ABR: variants seen among roughly 807,000 people sequenced by gnomAD.
ABR encodes active breakpoint cluster region-related protein.
A neutral mutation model predicts 107.2 loss-of-function variants in ABR; 35 were observed. That is an observed-to-expected ratio of 0.33 (90% CI 0.25 to 0.43). The LOEUF (loss-of-function observed/expected upper bound fraction) is 0.43. Among genes scored for constraint, ABR ranks in the 20% least tolerant of loss-of-function variants. The probability of loss-of-function intolerance (pLI) is 1.00; values close to 1 mark genes in which losing one functional copy is unlikely to be tolerated. For missense variants in ABR, 815 were observed against 1,115.2 expected (o/e 0.73, Z 3.83); for synonymous variants, 498 against 462.0 (o/e 1.08, Z -1.00).
At chr17:1,031,527 CCCCGCAG>C (rs1458839849) in intron 16 of ABR, 3,822 of 309,152 alleles carry the variant, frequency 0.012, 174 homozygotes, top group African/African-American at 0.081. Flanking sequence ...CCCCCGCAGC[CCCCGCAG>C]CCCCCCGAGC....
At chr17:1,161,770 G>A (rs1395863741) in intron 1 of ABR, among the ~76,000 whole-genome samples, 1 of 151,950 alleles carries the variant, frequency 6.6e-6, no homozygotes, top group Non-Finnish European at 1.5e-5. Context: ...GGCCAGGCTG[G>A]TCTCAAACTC....
At chr17:1,135,749 G>C (rs1458957581) in intron 1 of ABR, among the ~76,000 whole-genome samples, 1 of 152,160 alleles carries the variant, frequency 6.6e-6, no homozygotes, top group African/African-American at 2.4e-5. Context: ...GGTGGCAGGT[G>C]CCTGTAATCC....
rs568897874 is a variant in ABR, at chr17:1,211,258, GAC to G, written c.838+17533_838+17534del. Among the ~76,000 whole-genome samples, 274 of 152,046 alleles carry G rather than the reference GAC, an allele frequency of 1.8e-3. 1 individual carries two copies. Among genetic ancestry groups the G allele is most frequent in the Middle Eastern group, 3.4e-3 (1 of 294 alleles). On this transcript the variant is annotated intron_variant, in intron 1 of 22. Transcript: ENST00000574139. The stretch of plus-strand genomic sequence containing the variant: ...CTCTCCACTTCTTTCCAGCCTGGGC[GAC>G]AGAGTGAGGCTCCGTCTCAAAAAAA...
rs1324942266 is a variant in ABR at position 1,016,768 on chromosome 17, C to A, written c.1792-3604G>T. Reference sequence around the variant, plus strand: ...CAGGCAGATGGCTTTCTGGCAATAGCACCTATGGCAGCTGAGAATCTGCAA... The same window carrying A: ...CAGGCAGATGGCTTTCTGGCAATAGAACCTATGGCAGCTGAGAATCTGCAA... On this transcript the variant is annotated intron_variant, in intron 16 of 22. Coordinates refer to ENST00000302538, the MANE Select transcript of ABR (RefSeq NM_021962.5). Among the ~76,000 whole-genome samples the A allele has an allele frequency of 2.0e-5, 3 of 152,094 alleles. No homozygotes were observed. In the South Asian group the frequency reaches 6.2e-4, roughly 31 times the overall value.
chr17:1,130,851 C>T (rs888958536), intron 1 of ABR, among the ~76,000 whole-genome samples: 2 of 152,170 alleles, frequency 1.3e-5, no homozygotes, highest in African/African-American at 2.4e-5. Flanking sequence ...CTGGAGCCAC[C>T]AGACACTGAA....
intron 16 of ABR, among the ~76,000 whole-genome samples, chr17:1,024,024 CAAAAAAAAAAAAAAA>C (rs11334940): frequency 4.2e-5 from 2 of 47,662 alleles, no homozygotes; most frequent in African/African-American, 1.5e-4. Flanking sequence ...GACTCCATCT[CAAAAAAAAAAAAAAA>C]AAAAAAAAAA....
At chr17:1,012,092 T>G in intron 18 of ABR, 107 bp from the exon 19 acceptor site, 1 of 1,565,158 alleles carries the variant, frequency 6.4e-7, no homozygotes, top group Non-Finnish European at 8.7e-7. Context: ...GCATTTGGGA[T>G]GGAGAGCTGG....
At chr17:1,196,045 C>T (rs2042555520) in intron 1 of ABR, among the ~76,000 whole-genome samples, 1 of 145,228 alleles carries the variant, frequency 6.9e-6, no homozygotes, top group African/African-American at 2.6e-5. Flanking sequence ...ACGAGGATCG[C>T]TTGAACCAAG....
chr17:1,169,475 A>T (rs563717947), intron 1 of ABR, among the ~76,000 whole-genome samples: 1 of 152,310 alleles, frequency 6.6e-6, no homozygotes, highest in East Asian at 1.9e-4. Flanking sequence ...GTTACCTTTC[A>T]TCTGGCCAGA....
At position 1,010,730 on chromosome 17, in the gene ABR, G is replaced by A. The variant is rs369174141; in HGVS notation, c.2235C>T (p.Ile745=). 91 of 1,613,470 alleles carry A rather than the reference G, an allele frequency of 5.6e-5. No homozygotes were observed. The highest frequency in any genetic ancestry group is 2.8e-4 in the Admixed American group (17 of 60,014). Residue 745 remains isoleucine, a splice_region_variant and synonymous_variant, in exon 20 of 23, where the codon ATC becomes ATT. Coordinates refer to ENST00000302538, the MANE Select transcript of ABR (RefSeq NM_021962.5). This position sits in a 1 kb window ranked among gnomAD's most constrained non-coding sequence, Gnocchi z 4.1. ...DRLYPAFMEG[I]ALSDPAAKEN... Reference sequence around the variant, plus strand: ...TCCTAGGAGCCCTCAGGGCCTCACCGATGCCCTCCATGAAGGCTGGGTAGA... The same window carrying A: ...TCCTAGGAGCCCTCAGGGCCTCACCAATGCCCTCCATGAAGGCTGGGTAGA...
At chr17:1,096,934 G>A (rs1350212102) in intron 3 of ABR, among the ~76,000 whole-genome samples, 2 of 148,250 alleles carry the variant, frequency 1.3e-5, no homozygotes, top group Admixed American at 6.7e-5. Flanking sequence ...GCTGGGGAAG[G>A]GGGGAACCTG....
At chr17:1,105,144 G>C (rs1029854380) in intron 2 of ABR, among the ~76,000 whole-genome samples, 3 of 151,672 alleles carry the variant, frequency 2.0e-5, no homozygotes, top group South Asian at 2.1e-4. Flanking sequence ...GAGTAGTTGG[G>C]ATTACAGGTG....
intron 1 of ABR, among the ~76,000 whole-genome samples, chr17:1,143,561 G>C: frequency 6.7e-6 from 1 of 150,122 alleles, no homozygotes; most frequent in Admixed American, 6.7e-5. Context: ...GACAGCTGCT[G>C]TTGCAGGAGT....
At chr17:1,058,094 C>T (rs369042227) in intron 11 of ABR, 49 bp from the exon 12 acceptor site, 31 of 1,379,920 alleles carry the variant, frequency 2.2e-5, no homozygotes, top group Middle Eastern at 4.0e-4. Flanking sequence ...TCAGGCAAAG[C>T]GTACTCCCAG....
intron 17 of ABR, 23 bp from the exon 18 acceptor site, chr17:1,012,820 A>T (rs1457791203): frequency 6.5e-7 from 1 of 1,545,134 alleles, no homozygotes; most frequent in African/African-American, 1.4e-5. Context: ...TGAGGCAGGT[A>T]AAGATTCCCC....
chr17:1,067,439 C>A (rs575357632), intron 9 of ABR, among the ~76,000 whole-genome samples, 197 bp from the exon 10 acceptor site: 1 of 152,228 alleles, frequency 6.6e-6, no homozygotes. Flanking sequence ...GGGTCCGCCC[C>A]GCCCGCAGGG....
At chr17:1,117,953 T>C (rs1474242390) in intron 2 of ABR, among the ~76,000 whole-genome samples, 3 of 110,052 alleles carry the variant, frequency 2.7e-5, no homozygotes, top group African/African-American at 1.1e-4. Context: ...TCCCTGAGCC[T>C]GAGTTCTCCC....
chr17:1,224,945 C>A (rs778300778), intron 1 of ABR, among the ~76,000 whole-genome samples: 7 of 151,538 alleles, frequency 4.6e-5, no homozygotes, highest in Admixed American at 2.0e-4. Flanking sequence ...GTCAGGAGAT[C>A]GAGATCATCC....
chr17:1,211,943 G>T (rs1461096585), intron 1 of ABR, among the ~76,000 whole-genome samples: 1 of 151,868 alleles, frequency 6.6e-6, no homozygotes, highest in Non-Finnish European at 1.5e-5. Flanking sequence ...TTAGCCTGGT[G>T]TGGTGGCACA....
Sources: gnomAD v4.1 joint callset for allele counts (sites outside exome capture counted in the v4.1 genomes callset) on GRCh38, gnomAD v4.1.1 for gene constraint, Gnocchi (gnomAD v3.1) non-coding constraint, MANE v1.5 for transcripts, NCBI Gene and HGNC (gene_info 2026-07-23, HGNC 2026-07-21) for gene names.